NRXN3: variants seen among roughly 807,000 people sequenced by gnomAD.
NRXN3 encodes the protein neurexin 3.
In NRXN3, 32 loss-of-function variants were observed where a neutral mutation model predicts 137.6. That is an observed-to-expected ratio of 0.23 (90% CI 0.18 to 0.31). The LOEUF is 0.31. NRXN3 is among the 10% of genes least tolerant of loss of function. The pLI is 1.00. For missense variants in NRXN3, 1,574 were observed against 2,062.5 expected (o/e 0.76, Z 4.59); for synonymous variants, 798 against 784.5 (o/e 1.02, Z -0.29).
At chr14:79,392,403 T>C (rs1265033908) in intron 15 of NRXN3, among the ~76,000 whole-genome samples, 1 of 152,172 alleles carries the variant, frequency 6.6e-6, no homozygotes, top group Non-Finnish European at 1.5e-5. Flanking sequence ...CAGTAGGCAT[T>C]TGGGTTTGTT....
intron 16 of NRXN3, among the ~76,000 whole-genome samples, chr14:79,509,579 GTGTATATA>G (rs1335754819): frequency 2.7e-5 from 4 of 150,940 alleles, no homozygotes; most frequent in African/African-American, 4.9e-5. Context: ...ATATATATGT[GTGTATATA>G]TGTATATATG....
chr14:78,938,582 T>C (rs1304336445), intron 10 of NRXN3, among the ~76,000 whole-genome samples: 1 of 150,204 alleles, frequency 6.7e-6, no homozygotes, highest in African/African-American at 2.5e-5. Context: ...GACATTAGGA[T>C]TTTTTTTTCC....
rs74425492 is a variant in NRXN3 at position 79,453,801 on chromosome 14, C to T, written c.3263-13420C>T. Among the ~76,000 whole-genome samples, 1,204 of 152,208 alleles carry T rather than the reference C, an allele frequency of 7.9e-3. 9 individuals carry two copies. The highest frequency in any genetic ancestry group is 0.027 in the African/African-American group (1,133 of 41,540). ...AACCCCAGATCCTTCTTTTTTTACT[C>T]CCCAAATATCAAATAGATCACAAAA... is the stretch of plus-strand genomic sequence containing the variant. On this transcript the variant is annotated intron_variant, in intron 15 of 20. Transcript: ENST00000335750.
chr14:79,384,034 C>T (rs1207323766), intron 15 of NRXN3, among the ~76,000 whole-genome samples: 1 of 152,102 alleles, frequency 6.6e-6, no homozygotes, highest in Non-Finnish European at 1.5e-5. Flanking sequence ...TGTCTGTTAC[C>T]TGAAGCAATG....
At chr14:78,635,083 C>CTGAT (rs1243575445) in intron 4 of NRXN3, among the ~76,000 whole-genome samples, 3 of 152,152 alleles carry the variant, frequency 2.0e-5, no homozygotes, top group Admixed American at 6.5e-5. Context: ...CACATAATAT[C>CTGAT]TGATTGTCTT....
chr14:79,622,777 T>C (rs1218066314), intron 16 of NRXN3, among the ~76,000 whole-genome samples: 2 of 152,022 alleles, frequency 1.3e-5, no homozygotes, highest in Admixed American at 6.5e-5. Context: ...TTTGTATTTT[T>C]AGTAGAGATG....
At chr14:79,061,608 A>G (rs776761102) in intron 15 of NRXN3, among the ~76,000 whole-genome samples, 17 of 152,200 alleles carry the variant, frequency 1.1e-4, no homozygotes, top group Non-Finnish European at 1.9e-4. Context: ...CTGCAGTGGA[A>G]TGCTGTGAAA....
At chr14:79,716,123 A>T (rs178383) in intron 19 of NRXN3, among the ~76,000 whole-genome samples, 1 of 152,108 alleles carries the variant, frequency 6.6e-6, no homozygotes, top group African/African-American at 2.4e-5. Flanking sequence ...GGACTGCATC[A>T]CATGGTCATG....
At chr14:78,479,708 C>G (rs1005596139) in intron 4 of NRXN3, among the ~76,000 whole-genome samples, 23 of 152,036 alleles carry the variant, frequency 1.5e-4, no homozygotes, top group African/African-American at 5.6e-4. Context: ...TTATCTTGCT[C>G]CAAATATTAT....
intron 20 of NRXN3, among the ~76,000 whole-genome samples, chr14:79,837,366 C>T (rs1030978265): frequency 3.9e-5 from 6 of 152,124 alleles, no homozygotes; most frequent in South Asian, 2.1e-4. Flanking sequence ...GACTAAGTCA[C>T]TTAGTTGAGT....
rs2098227072 is a variant in NRXN3, at chr14:79,621,814, GT to G, written c.3445-41962del. Among the ~76,000 whole-genome samples, 2 of 152,156 alleles carry G rather than the reference GT, an allele frequency of 1.3e-5. 1 individual carries two copies. The highest frequency in any genetic ancestry group is 6.3e-3 in the Middle Eastern group (2 of 316). ...TTGGCTTAATCCAACAGCTTTCTCA[GT>G]TACAATGCTTGCTGCTCAAGTAATG... is the stretch of plus-strand genomic sequence containing the variant. On this transcript the variant is annotated intron_variant, in intron 16 of 20. Transcript: ENST00000335750.
chr14:78,530,416 A>G (rs1255931143), intron 4 of NRXN3, among the ~76,000 whole-genome samples: 2 of 152,232 alleles, frequency 1.3e-5, no homozygotes, highest in African/African-American at 4.8e-5. Context: ...TTCCCTTGGA[A>G]AAATTGCATT....
intron 4 of NRXN3, among the ~76,000 whole-genome samples, chr14:78,406,186 C>G (rs2153659808): frequency 6.6e-6 from 1 of 152,224 alleles, no homozygotes; most frequent in Admixed American, 6.5e-5. Context: ...GAGCAGATGA[C>G]AAAAAAGCCC....
intron 6 of NRXN3, among the ~76,000 whole-genome samples, chr14:78,677,733 T>C (rs1355264004): frequency 6.6e-6 from 1 of 152,152 alleles, no homozygotes; most frequent in Non-Finnish European, 1.5e-5. Flanking sequence ...AAAGAAATCT[T>C]TTGTGAAAGG....
chr14:79,689,486 A>G (rs972114854), intron 17 of NRXN3, among the ~76,000 whole-genome samples: 1 of 152,132 alleles, frequency 6.6e-6, no homozygotes, highest in Non-Finnish European at 1.5e-5. Context: ...CAACTTAAAC[A>G]AATTTGGTTT....
rs74067156 is a variant in NRXN3, at chr14:78,871,975, C to A, written c.2275+61631C>A. Among the ~76,000 whole-genome samples the A allele has an allele frequency of 4.9e-3, 747 of 152,040 alleles. 8 individuals carry two copies. The highest frequency in any genetic ancestry group is 0.017 in the African/African-American group (693 of 41,516). On this transcript the variant is annotated intron_variant, in intron 10 of 20. Coordinates refer to ENST00000335750, the MANE Select transcript of NRXN3 (RefSeq NM_001330195.2). Reference sequence around the variant, plus strand: ...ATGTGTAAAAACATAGATATTCCTGCAAAGCTTACAAGGAAACAATAAAAC... The same window carrying A: ...ATGTGTAAAAACATAGATATTCCTGAAAAGCTTACAAGGAAACAATAAAAC...
At chr14:78,707,645 G>A (rs1480704844) in intron 6 of NRXN3, among the ~76,000 whole-genome samples, 1 of 152,046 alleles carries the variant, frequency 6.6e-6, no homozygotes, top group East Asian at 1.9e-4. Flanking sequence ...CGATTTTGGT[G>A]CACTCATCAC....
At chr14:78,726,173 ACT>A (rs1202230863) in intron 8 of NRXN3, among the ~76,000 whole-genome samples, 1 of 151,732 alleles carries the variant, frequency 6.6e-6, no homozygotes, top group African/African-American at 2.4e-5. Context: ...TTTTTGAAAC[ACT>A]CTTTTTATTT....
chr14:78,934,806 G>A (rs2099330868), intron 10 of NRXN3, among the ~76,000 whole-genome samples: 2 of 151,698 alleles, frequency 1.3e-5, no homozygotes, highest in Non-Finnish European at 2.9e-5. Context: ...ACTGGGCACT[G>A]TTGTGGGGTG....
Sources: allele counts gnomAD v4.1 joint callset (sites outside exome capture counted in the v4.1 genomes callset), GRCh38; gene constraint gnomAD v4.1.1; transcripts MANE v1.5; gene names NCBI Gene and HGNC (gene_info 2026-07-23, HGNC 2026-07-21).